The following VOPP1 variants were observed in gnomAD, a reference collection of about 807,000 sequenced individuals.
The protein encoded by VOPP1 is VOPP1 WW domain binding protein.
Under a neutral mutation model 23.5 loss-of-function variants are expected in VOPP1, and 8 were observed. That is an observed-to-expected ratio of 0.34 (90% CI 0.20 to 0.61). The LOEUF (loss-of-function observed/expected upper bound fraction) is 0.61. Ranked by LOEUF, VOPP1 falls within the 20% of genes least tolerant of loss-of-function variation. VOPP1 has a pLI of 0.78. For synonymous variants in VOPP1, 83 were observed against 97.3 expected (o/e 0.85, Z 0.86); for missense variants, 174 against 238.1 (o/e 0.73, Z 1.77).
chr7:55,441,111 A>G (rs945617570), intron 4 of VOPP1, among the ~76,000 whole-genome samples: 1 of 152,186 alleles, frequency 6.6e-6, no homozygotes, highest in African/African-American at 2.4e-5. Context: ...TCTGTTTCTA[A>G]GACCCCATAG....
chr7:55,507,180 G>A (rs1437679197), intron 2 of VOPP1, among the ~76,000 whole-genome samples: 6 of 152,192 alleles, frequency 3.9e-5, no homozygotes, highest in African/African-American at 9.7e-5. Flanking sequence ...GAGTGCTGTG[G>A]AAAGTAGTGG....
At chr7:55,467,552 T>C (rs1791664223), downstream of VOPP1, among the ~76,000 whole-genome samples, 1 of 152,238 alleles carries the variant, frequency 6.6e-6, no homozygotes, top group South Asian at 2.1e-4. Context: ...CCTTCTCCTA[T>C]TTCAAAAATT....
chr7:55,469,170 G>C (rs1048468643), downstream of VOPP1, among the ~76,000 whole-genome samples: 9 of 152,116 alleles, frequency 5.9e-5, no homozygotes, highest in African/African-American at 2.2e-4. Flanking sequence ...TTGTAGTCGA[G>C]CATTTGAGGA....
intron 2 of VOPP1, among the ~76,000 whole-genome samples, chr7:55,511,598 A>G (rs1795075045): frequency 6.6e-6 from 1 of 152,156 alleles, no homozygotes; most frequent in African/African-American, 2.4e-5. Context: ...CTCCCATTCC[A>G]TTCAAAGTCA....
chr7:55,491,827 A>G (rs762665974), intron 4 of VOPP1, among the ~76,000 whole-genome samples: 16 of 152,240 alleles, frequency 1.1e-4, no homozygotes, highest in Non-Finnish European at 1.9e-4. Flanking sequence ...TACTTGTTGA[A>G]TGCATGAATA....
Position 55,492,165 on chromosome 7 carries a change from G to T in VOPP1, c.328+117C>A. On this transcript the variant is annotated intron_variant, in intron 4 of 4. Transcript: ENST00000285279. ...AGCTGGTCATCAGAACTAAAAAAATGAATAACACACCTGAGCGCTCTCTTC... is the reference window on the plus strand; with the variant it reads ...AGCTGGTCATCAGAACTAAAAAAATTAATAACACACCTGAGCGCTCTCTTC... 3 of 1,374,640 alleles carry T rather than the reference G, an allele frequency of 2.2e-6. No individual in the cohort carries two copies. In the South Asian group the frequency reaches 5.2e-5, roughly 24 times the overall value. 85.2% of individuals were successfully genotyped at this position (1,374,640 alleles called of 1,614,324 possible).
intron 1 of VOPP1, among the ~76,000 whole-genome samples, chr7:55,550,273 T>A (rs1183533909): frequency 6.6e-6 from 1 of 152,224 alleles, no homozygotes; most frequent in Non-Finnish European, 1.5e-5. Flanking sequence ...TGCCACCCTC[T>A]GGAGAGAAAA....
At chr7:55,439,074 G>A (rs370396658) in intron 4 of VOPP1, among the ~76,000 whole-genome samples, 1 of 152,232 alleles carries the variant, frequency 6.6e-6, no homozygotes, top group South Asian at 2.1e-4. Context: ...TATTAGAGGC[G>A]GGCGAGTCTG....
intron 4 of VOPP1, among the ~76,000 whole-genome samples, chr7:55,473,459 T>C (rs10232850): frequency 0.32 from 48,048 of 152,158 alleles, 8,159 homozygotes; most frequent in Non-Finnish European, 0.39. Flanking sequence ...AGGTCTCCAT[T>C]CTCCCTGCCG....
Position 55,472,810 on chromosome 7 carries a change from G to A in VOPP1, c.*45C>T. The A allele has an allele frequency of 2.1e-6, 2 of 948,696 alleles. No individual in the cohort carries two copies. The highest frequency in any genetic ancestry group is 2.9e-6 in the Non-Finnish European group (2 of 684,588). 58.8% of individuals were successfully genotyped at this position (948,696 alleles called of 1,614,324 possible). On this transcript the variant is annotated 3_prime_UTR_variant, in exon 5 of 5. Transcript: ENST00000285279. ...AACATCAACGAAGACAGAAAGGCCAGGGAAAGGCCCTCTCCTGTCTCTCCT... is the reference window on the plus strand; with the variant it reads ...AACATCAACGAAGACAGAAAGGCCAAGGAAAGGCCCTCTCCTGTCTCTCCT...
At chr7:55,487,826 C>T (rs1432052411) in intron 4 of VOPP1, among the ~76,000 whole-genome samples, 2 of 152,236 alleles carry the variant, frequency 1.3e-5, no homozygotes, top group Non-Finnish European at 2.9e-5. Flanking sequence ...CATTCAATCA[C>T]AGGGGCACCA....
chr7:55,548,767 A>T (rs1376098821), intron 1 of VOPP1, among the ~76,000 whole-genome samples: 1 of 152,240 alleles, frequency 6.6e-6, no homozygotes, highest in Non-Finnish European at 1.5e-5. Context: ...AAATCTGGGA[A>T]ATATAGTCCA....
chr7:55,457,821 A>C (rs1159315299), intron 4 of VOPP1, among the ~76,000 whole-genome samples: 2 of 150,992 alleles, frequency 1.3e-5, no homozygotes, highest in African/African-American at 2.4e-5. Flanking sequence ...TTGCTGTTGA[A>C]TTCCTTGTAT....
intron 2 of VOPP1, among the ~76,000 whole-genome samples, chr7:55,517,853 A>C (rs1795568580): frequency 6.6e-6 from 1 of 152,184 alleles, no homozygotes. Flanking sequence ...ACAGTGGAGA[A>C]GACAGCTTTG....
chr7:55,521,102 T>C lies in VOPP1; in HGVS notation c.83A>G (p.Tyr28Cys), dbSNP rs1795818947. 5 of 1,584,084 alleles carry C rather than the reference T, an allele frequency of 3.2e-6. No individual in the cohort carries two copies. Among genetic ancestry groups the C allele is most frequent in the Non-Finnish European group, 4.3e-6 (5 of 1,164,070 alleles). ...ECTEAKKHCW[Y>C]FEGLYPTYYI... is the part of the protein sequence containing the mutation. ...ATAGGTTGGATAGAGTCCTTCGAAA[T>C]ACCAGCAATGCTTTTTGGCTTCTGT... The change falls in exon 2 of 5, where the codon TAT (tyrosine) becomes TGT (cysteine). Residue 28 changes from tyrosine (Y) to cysteine (C), a missense_variant. Coordinates refer to ENST00000285279, the MANE Select transcript of VOPP1 (RefSeq NM_030796.5).
At chr7:55,554,758 C>T (rs930208227) in intron 1 of VOPP1, among the ~76,000 whole-genome samples, 3 of 152,102 alleles carry the variant, frequency 2.0e-5, no homozygotes, top group Non-Finnish European at 4.4e-5. Flanking sequence ...ACAACTGGGT[C>T]GATAGGGGCT....
At chr7:55,508,426 C>A (rs1004233128) in intron 2 of VOPP1, among the ~76,000 whole-genome samples, 2 of 152,162 alleles carry the variant, frequency 1.3e-5, no homozygotes, top group East Asian at 3.9e-4. Context: ...CACCACCACG[C>A]CCAGCTAATT....
intron 4 of VOPP1, among the ~76,000 whole-genome samples, chr7:55,441,590 A>G (rs1438049002): frequency 6.7e-6 from 1 of 148,576 alleles, no homozygotes; most frequent in Non-Finnish European, 1.5e-5. Context: ...TGTTCAATAC[A>G]TGCCACTTTT....
intron 4 of VOPP1, among the ~76,000 whole-genome samples, chr7:55,457,951 A>G (rs887674534): frequency 6.6e-6 from 1 of 152,120 alleles, no homozygotes; most frequent in African/African-American, 2.4e-5. Context: ...AGCTTAATAT[A>G]GTCCCATTTG....
Sources: gnomAD v4.1 joint callset for allele counts (sites outside exome capture counted in the v4.1 genomes callset) on GRCh38, gnomAD v4.1.1 for gene constraint, MANE v1.5 for transcripts, NCBI Gene and HGNC (gene_info 2026-07-23, HGNC 2026-07-21) for gene names.